AARS1: variants seen among roughly 807,000 people sequenced by gnomAD.
The protein encoded by AARS1 is alanine--tRNA ligase, cytoplasmic.
Under a neutral mutation model 108.9 loss-of-function variants are expected in AARS1, and 72 were observed. The observed-to-expected ratio is 0.66, with a 90% CI of 0.55 to 0.80. The LOEUF is 0.80. AARS1 is among the 30% of genes least tolerant of loss of function. AARS1 has a pLI of 0.00. For synonymous variants in AARS1, 489 were observed against 465.7 expected (o/e 1.05, Z -0.64); for missense variants, 1,193 against 1,233.2 (o/e 0.97, Z 0.49).
intron 9 of AARS1, 85 bp from the exon 10 acceptor site, chr16:70,265,747 A>C (rs1167353377): frequency 6.4e-7 from 1 of 1,564,752 alleles, no homozygotes; most frequent in African/African-American, 1.4e-5. Context: ...TGGGACTGGC[A>C]GAAGGAATTA....
At chr16:70,265,249 T>C in intron 10 of AARS1, 147 bp from the exon 11 acceptor site, 1 of 1,126,594 alleles carries the variant, frequency 8.9e-7, no homozygotes, top group Non-Finnish European at 1.3e-6. Context: ...GGCCAGATCA[T>C]TCTCTGTTGT....
chr16:70,253,660 A>G, intron 19 of AARS1, 54 bp downstream of exon 19: 1 of 1,583,452 alleles, frequency 6.3e-7, no homozygotes, highest in Non-Finnish European at 8.6e-7. Flanking sequence ...GCCACATGTC[A>G]GCCACCAGAG....
At chr16:70,265,214 C>T in intron 10 of AARS1, 112 bp from the exon 11 acceptor site, 1 of 1,344,008 alleles carries the variant, frequency 7.4e-7, no homozygotes, top group South Asian at 1.2e-5. Flanking sequence ...CAGGGTTTTT[C>T]AATCCTGGCA....
chr16:70,281,841 G>A (rs2152169855), intron 2 of AARS1, among the ~76,000 whole-genome samples: 1 of 152,046 alleles, frequency 6.6e-6, no homozygotes, highest in Non-Finnish European at 1.5e-5. Flanking sequence ...GACAGAGTGA[G>A]ACCCTCTCTC....
intron 11 of AARS1, among the ~76,000 whole-genome samples, chr16:70,263,063 C>T (rs961544931): frequency 2.0e-5 from 3 of 149,092 alleles, no homozygotes; most frequent in Non-Finnish European, 4.4e-5. Flanking sequence ...TGTCGGGTGA[C>T]CAACTGTCCC....
chr16:70,288,824 C>T (rs1960944997), intron 1 of AARS1, among the ~76,000 whole-genome samples: 1 of 152,098 alleles, frequency 6.6e-6, no homozygotes, highest in East Asian at 1.9e-4. Context: ...GCCTCGACCT[C>T]CCAAAGCGCT....
chr16:70,272,612 T>C (rs1289170907), intron 4 of AARS1, among the ~76,000 whole-genome samples: 1 of 149,474 alleles, frequency 6.7e-6, no homozygotes, highest in Admixed American at 6.7e-5. Flanking sequence ...ACACATGATA[T>C]GCTCGAAACT....
intron 17 of AARS1, chr16:70,254,345 C>G: frequency 1.7e-6 from 1 of 580,812 alleles, no homozygotes; most frequent in Non-Finnish European, 3.1e-6. Flanking sequence ...GAAGCAGGGG[C>G]CAGCCTTAGC....
intron 5 of AARS1, 58 bp downstream of exon 5, chr16:70,271,723 G>A (rs905831128): frequency 6.5e-6 from 10 of 1,549,366 alleles, no homozygotes; most frequent in Middle Eastern, 1.9e-4. Flanking sequence ...ACACAGCTCC[G>A]AGTTCCTCCT....
chr16:70,255,347 G>A (rs746604357), intron 16 of AARS1, among the ~76,000 whole-genome samples: 17 of 151,828 alleles, frequency 1.1e-4, no homozygotes, highest in South Asian at 8.3e-4. Flanking sequence ...TTACAGACGC[G>A]CGCCACTACA....
chr16:70,255,581 T>C (rs924094331), intron 16 of AARS1, 147 bp downstream of exon 16: 1 of 725,668 alleles, frequency 1.4e-6, no homozygotes. Flanking sequence ...CACTCAGGGG[T>C]AGGACACTGG....
chr16:70,283,937 C>T (rs989276492), intron 1 of AARS1, among the ~76,000 whole-genome samples: 4 of 152,156 alleles, frequency 2.6e-5, no homozygotes, highest in African/African-American at 9.7e-5. Context: ...ACAAGTTGGG[C>T]GCGGTGGCTC....
intron 11 of AARS1, among the ~76,000 whole-genome samples, chr16:70,264,133 C>A (rs1020928792): frequency 3.3e-5 from 5 of 151,078 alleles, no homozygotes; most frequent in African/African-American, 1.2e-4. Context: ...GTAATCCCAG[C>A]TACTTGGGAG....
chr16:70,285,671 A>C (rs968291820), intron 1 of AARS1, among the ~76,000 whole-genome samples: 3 of 151,918 alleles, frequency 2.0e-5, no homozygotes, highest in African/African-American at 7.3e-5. Flanking sequence ...CTGGTCTCGA[A>C]CTCCTGACCT....
intron 1 of AARS1, 141 bp from the exon 2 acceptor site, chr16:70,282,925 G>C (rs1159133052): frequency 1.3e-6 from 1 of 795,252 alleles, no homozygotes; most frequent in African/African-American, 1.7e-5. Context: ...ATGTTGTAAT[G>C]TCCAAGGCTA....
At chr16:70,271,714 C>T (rs1960407231) in intron 5 of AARS1, 67 bp downstream of exon 5, 1 of 1,501,296 alleles carries the variant, frequency 6.7e-7, no homozygotes, top group Non-Finnish European at 9.3e-7. Flanking sequence ...AAGAGAGCTA[C>T]ACAGCTCCGA....
chr16:70,271,722 C>A (rs1166926264), intron 5 of AARS1, 59 bp downstream of exon 5: 7 of 1,546,272 alleles, frequency 4.5e-6, no homozygotes, highest in Non-Finnish European at 6.2e-6. Context: ...TACACAGCTC[C>A]GAGTTCCTCC....
At chr16:70,260,994 G>A (rs762822416) in intron 13 of AARS1, 50 bp downstream of exon 13, 4 of 1,403,978 alleles carry the variant, frequency 2.8e-6, no homozygotes, top group East Asian at 2.3e-5. Flanking sequence ...AGCCAGAGGA[G>A]AAGATAATTA....
At chr16:70,282,517 A>G in intron 2 of AARS1, 103 bp downstream of exon 2, 2 of 1,388,006 alleles carry the variant, frequency 1.4e-6, no homozygotes, top group Non-Finnish European at 2.0e-6. Context: ...TCACACAGGG[A>G]GTGACAGAAC....
Sources: allele counts gnomAD v4.1 joint callset (sites outside exome capture counted in the v4.1 genomes callset), GRCh38; gene constraint gnomAD v4.1.1; transcripts MANE v1.5; gene names NCBI Gene and HGNC (gene_info 2026-07-23, HGNC 2026-07-21).